The following SNAP91 variants were observed in gnomAD, a reference collection of about 807,000 sequenced individuals.
SNAP91 encodes clathrin coat assembly protein AP180.
SNAP91 carries 27 observed loss-of-function variants against 100.3 expected under a neutral mutation model. The observed-to-expected ratio is 0.27, with a 90% CI of 0.20 to 0.37. SNAP91 has a LOEUF of 0.37. Among genes scored for constraint, SNAP91 ranks in the 10% least tolerant of loss-of-function variants. The pLI, the probability that SNAP91 is intolerant of heterozygous loss-of-function variation, is 1.00. For synonymous variants in SNAP91, 404 were observed against 398.6 expected (o/e 1.01, Z -0.16); for missense variants, 986 against 1,123.7 (o/e 0.88, Z 1.75).
intron 14 of SNAP91, among the ~76,000 whole-genome samples, chr6:83,604,615 C>T (rs189826828): frequency 5.8e-4 from 89 of 152,208 alleles, no homozygotes; most frequent in Admixed American, 1.7e-3. Flanking sequence ...AGAAATATAA[C>T]TTCATTTGAC....
At chr6:83,660,942 C>T (rs1230154970) in intron 5 of SNAP91, among the ~76,000 whole-genome samples, 1 of 151,956 alleles carries the variant, frequency 6.6e-6, no homozygotes, top group Non-Finnish European at 1.5e-5. Flanking sequence ...CCACGCCTGA[C>T]TAATTTGTTT....
chr6:83,657,930 C>CTTTT, intron 6 of SNAP91, among the ~76,000 whole-genome samples: 1 of 106,128 alleles, frequency 9.4e-6, no homozygotes. Context: ...CCACACCTTG[C>CTTTT]TTTTTTTTTT....
chr6:83,626,218 GTGTC>G (rs969052064), intron 8 of SNAP91, among the ~76,000 whole-genome samples: 2 of 151,968 alleles, frequency 1.3e-5, no homozygotes, highest in African/African-American at 4.8e-5. Flanking sequence ...ACTGTTCTAT[GTGTC>G]TGTTTTTGTA....
At chr6:83,703,636 T>G (rs1406734907) in intron 2 of SNAP91, among the ~76,000 whole-genome samples, 1 of 152,200 alleles carries the variant, frequency 6.6e-6, no homozygotes, top group Non-Finnish European at 1.5e-5. Context: ...GATAGTCTTA[T>G]AAGAAACATA....
At chr6:83,572,210 T>C (rs1160741518) in intron 26 of SNAP91, among the ~76,000 whole-genome samples, 2 of 152,154 alleles carry the variant, frequency 1.3e-5, no homozygotes, top group African/African-American at 4.8e-5. Flanking sequence ...TTTGTCTTCT[T>C]CTCTTCCTTT....
Position 83,560,900 on chromosome 6 carries a change from G to A in SNAP91, c.2490C>T (p.Ala830=), listed in dbSNP as rs764203339. ...CTGCTCCAGGTTGTCCAACCGATGG[G>A]GCCCCGGCAACAGGAGGAACTGAAC... ...PTSSVPPVAG[A]PSVGQPGAGF... is the part of the protein sequence containing the mutation. The change falls in exon 27 of 30, where the codon GCC becomes GCT. Residue 830 remains alanine, a synonymous_variant. Coordinates refer to ENST00000369694, the MANE Select transcript of SNAP91 (RefSeq NM_001242792.2). The A allele has an allele frequency of 1.2e-6, 2 of 1,613,604 alleles. No individual in the cohort carries two copies. Among genetic ancestry groups the A allele is most frequent in the East Asian group, 4.5e-5 (2 of 44,882 alleles).
At chr6:83,581,437 G>A (rs1168771470) in intron 23 of SNAP91, among the ~76,000 whole-genome samples, 1 of 152,194 alleles carries the variant, frequency 6.6e-6, no homozygotes, top group East Asian at 1.9e-4. Flanking sequence ...CTAGAATACA[G>A]AAAGTCCATT....
At chr6:83,696,272 T>C (rs1211331031) in intron 2 of SNAP91, among the ~76,000 whole-genome samples, 2 of 152,178 alleles carry the variant, frequency 1.3e-5, no homozygotes, top group Non-Finnish European at 2.9e-5. Flanking sequence ...ATAGCGATAT[T>C]ACAGTGAAAT....
At chr6:83,656,367 C>G (rs1463426674) in intron 7 of SNAP91, among the ~76,000 whole-genome samples, 8 of 152,292 alleles carry the variant, frequency 5.3e-5, no homozygotes, top group African/African-American at 1.9e-4. Flanking sequence ...ACAGCATAGG[C>G]TTCCCATCGC....
At chr6:83,603,733 T>C (rs762009910) in intron 14 of SNAP91, among the ~76,000 whole-genome samples, 1 of 152,198 alleles carries the variant, frequency 6.6e-6, no homozygotes, top group Non-Finnish European at 1.5e-5. Context: ...ACAGCGTGAC[T>C]ATAGAGTTCT....
rs16871774 is a variant in SNAP91 at position 83,618,667 on chromosome 6, A to C, written c.808-1628T>G. Among the ~76,000 whole-genome samples the C allele has an allele frequency of 1.6e-3, 240 of 152,058 alleles. 5 individuals are homozygous for C. The East Asian group carries it at 0.036, about 23-fold the overall frequency. On this transcript the variant is annotated intron_variant, in intron 9 of 29. Transcript: ENST00000369694. ...ATGAATTCACATCTGATAACTTCAA[A>C]ATTGTCATACTAATTGCCAGTGATG... is the stretch of plus-strand genomic sequence containing the variant.
intron 20 of SNAP91, among the ~76,000 whole-genome samples, 172 bp downstream of exon 20, chr6:83,592,774 A>G (rs993425991): frequency 1.3e-5 from 2 of 152,222 alleles, no homozygotes; most frequent in Non-Finnish European, 2.9e-5. Context: ...ACTAGCCTTA[A>G]ATTTGAAATA....
chr6:83,610,541 G>T, intron 12 of SNAP91, 109 bp downstream of exon 12: 2 of 373,848 alleles, frequency 5.3e-6, no homozygotes, highest in Non-Finnish European at 5.0e-6. Context: ...TAGAGAGGAT[G>T]GTTGTACAAC....
intron 26 of SNAP91, among the ~76,000 whole-genome samples, chr6:83,561,370 A>C (rs1050461392): frequency 2.6e-5 from 4 of 152,252 alleles, no homozygotes; most frequent in African/African-American, 9.6e-5. Context: ...TTAAAATGAC[A>C]GAATTTTAAA....
At position 83,553,734 on chromosome 6, in the gene SNAP91, T is replaced by C. The variant is rs1189480040; in HGVS notation, c.*562A>G. On this transcript the variant is annotated 3_prime_UTR_variant, in exon 30 of 30. Coordinates refer to ENST00000369694, the MANE Select transcript of SNAP91 (RefSeq NM_001242792.2). ...AAATAAAATTTCTTAACATATACAGTGCCACAAAAATAAACATTTCTCACA... is the reference window on the plus strand; with the variant it reads ...AAATAAAATTTCTTAACATATACAGCGCCACAAAAATAAACATTTCTCACA... 3 of 152,160 alleles carry C rather than the reference T, an allele frequency of 2.0e-5. No homozygotes were observed. The highest frequency in any genetic ancestry group is 2.9e-5 in the Non-Finnish European group (2 of 68,024). The allele number at this position is 152,160 out of a possible 1,614,324, so 9.4% of individuals were successfully genotyped here. A position where few individuals can be genotyped will look rare whatever the true frequency, so the allele number is the denominator to read the frequency against.
intron 22 of SNAP91, among the ~76,000 whole-genome samples, chr6:83,586,031 G>T (rs1026633975): frequency 1.3e-5 from 2 of 151,920 alleles, no homozygotes; most frequent in African/African-American, 4.8e-5. Context: ...TGTATTTTTA[G>T]TAGAGATGGG....
chr6:83,634,187 C>T (rs1584905044), intron 8 of SNAP91, among the ~76,000 whole-genome samples: 2 of 152,248 alleles, frequency 1.3e-5, no homozygotes, highest in Admixed American at 6.5e-5. Flanking sequence ...CTCTGGCCAC[C>T]GTCCTGAAGG....
intron 2 of SNAP91, among the ~76,000 whole-genome samples, chr6:83,697,813 T>A (rs962931742): frequency 3.9e-5 from 6 of 152,130 alleles, no homozygotes; most frequent in African/African-American, 1.4e-4. Context: ...GGTATAAAAT[T>A]AGGGAAATAT....
intron 7 of SNAP91, among the ~76,000 whole-genome samples, chr6:83,648,884 G>C (rs1585535444): frequency 6.6e-6 from 1 of 152,052 alleles, no homozygotes; most frequent in Non-Finnish European, 1.5e-5. Flanking sequence ...CTCCTCCTCT[G>C]TGACTTGTAT....
Sources: allele counts gnomAD v4.1 joint callset (sites outside exome capture counted in the v4.1 genomes callset), GRCh38; gene constraint gnomAD v4.1.1; transcripts MANE v1.5; gene names NCBI Gene and HGNC (gene_info 2026-07-23, HGNC 2026-07-21).